The following TAFA1 variants were observed in gnomAD, a reference collection of about 807,000 sequenced individuals.
The protein encoded by TAFA1 is chemokine-like protein TAFA-1.
Under a neutral mutation model 18.5 loss-of-function variants are expected in TAFA1, and 4 were observed. The ratio of observed to expected loss-of-function variants is 0.22; its 90% CI spans 0.11 to 0.49. TAFA1 has a LOEUF of 0.49. Among genes scored for constraint, TAFA1 ranks in the 20% least tolerant of loss-of-function variants. The pLI is 0.98. For missense variants in TAFA1, 147 were observed against 169.0 expected, an observed-to-expected ratio of 0.87 and a Z score of 0.72; for synonymous variants, 56 against 55.2, an observed-to-expected ratio of 1.01 and a Z score of -0.06.
chr3:68,082,175 C>T (rs912841834), intron 2 of TAFA1, among the ~76,000 whole-genome samples: 6 of 143,458 alleles, frequency 4.2e-5, no homozygotes, highest in East Asian at 3.9e-4. Context: ...CTTCGGCTCG[C>T]GCATGGTGTG....
chr3:67,991,662 G>A, the TAFA1 span, among the ~76,000 whole-genome samples: 1 of 152,302 alleles, frequency 6.6e-6, no homozygotes, highest in African/African-American at 2.4e-5. Context: ...GGGTTCTTAG[G>A]CCTTTGGCCT....
At chr3:68,171,842 G>T (rs1175161036) in intron 2 of TAFA1, among the ~76,000 whole-genome samples, 1 of 151,980 alleles carries the variant, frequency 6.6e-6, no homozygotes, top group Non-Finnish European at 1.5e-5. Context: ...TACTGGAGGG[G>T]ACAAAAGAAG....
intron 2 of TAFA1, among the ~76,000 whole-genome samples, chr3:68,362,999 T>TTTTTTTA (rs61358791): frequency 6.7e-6 from 1 of 149,380 alleles, no homozygotes; most frequent in Non-Finnish European, 1.5e-5. Context: ...TTTTTTTTTT[T>TTTTTTTA]AAATACAGTT....
At chr3:68,130,406 C>G (rs1370225439) in intron 2 of TAFA1, among the ~76,000 whole-genome samples, 1 of 152,106 alleles carries the variant, frequency 6.6e-6, no homozygotes, top group Admixed American at 6.6e-5. Flanking sequence ...TCATTTATTT[C>G]CATTTTTGCT....
intron 2 of TAFA1, among the ~76,000 whole-genome samples, chr3:68,077,963 G>C (rs944929159): frequency 8.2e-4 from 125 of 152,196 alleles, no homozygotes; most frequent in African/African-American, 2.9e-3. Flanking sequence ...TCTTCCATTT[G>C]TTTGTATCCT....
At chr3:68,331,529 G>T (rs1389518539) in intron 2 of TAFA1, among the ~76,000 whole-genome samples, 1 of 152,084 alleles carries the variant, frequency 6.6e-6, no homozygotes, top group Admixed American at 6.6e-5. Context: ...TAAATAAGTT[G>T]GTTACTAGGA....
At chr3:68,297,752 T>C (rs2068236014) in intron 2 of TAFA1, among the ~76,000 whole-genome samples, 1 of 152,052 alleles carries the variant, frequency 6.6e-6, no homozygotes, top group African/African-American at 2.4e-5. Context: ...TTTTTTTACA[T>C]TTTTGGGGTC....
intron 3 of TAFA1, among the ~76,000 whole-genome samples, chr3:68,470,108 T>A (rs1176332607): frequency 2.0e-5 from 3 of 152,170 alleles, no homozygotes; most frequent in Non-Finnish European, 4.4e-5. Context: ...TGGTAGTGAA[T>A]AAGTCTCACA....
At chr3:68,091,486 C>A (rs892246985) in intron 2 of TAFA1, among the ~76,000 whole-genome samples, 4 of 152,084 alleles carry the variant, frequency 2.6e-5, no homozygotes, top group Non-Finnish European at 5.9e-5. Flanking sequence ...CCTCAGTCTG[C>A]CAGGTGCTTT....
intron 2 of TAFA1, among the ~76,000 whole-genome samples, chr3:68,332,598 G>A (rs546882469): frequency 8.5e-4 from 129 of 152,230 alleles, no homozygotes; most frequent in Non-Finnish European, 1.5e-3. Flanking sequence ...ATTGGGCAAA[G>A]GACCTGAATA....
At chr3:68,366,811 A>G (rs1396317887) in intron 2 of TAFA1, among the ~76,000 whole-genome samples, 1 of 152,238 alleles carries the variant, frequency 6.6e-6, no homozygotes, top group Non-Finnish European at 1.5e-5. Context: ...ATTTAACAGT[A>G]TGTGCTCAAT....
chr3:68,450,749 A>G (rs1052946606), intron 3 of TAFA1, among the ~76,000 whole-genome samples: 3 of 152,204 alleles, frequency 2.0e-5, no homozygotes, highest in African/African-American at 4.8e-5. Flanking sequence ...AGTTATAAGG[A>G]CAACACAAGA....
intron 2 of TAFA1, among the ~76,000 whole-genome samples, chr3:68,050,411 C>A (rs2064454552): frequency 6.6e-6 from 1 of 152,112 alleles, no homozygotes; most frequent in Non-Finnish European, 1.5e-5. Flanking sequence ...TAGAAGCCCT[C>A]AGGGTGTAGA....
chr3:68,226,439 C>T (rs1279802070), intron 2 of TAFA1, among the ~76,000 whole-genome samples: 2 of 152,172 alleles, frequency 1.3e-5, no homozygotes, highest in African/African-American at 4.8e-5. Flanking sequence ...AAAATATTTA[C>T]TTGCCCTCCT....
At chr3:68,102,624 T>G (rs1223639772) in intron 2 of TAFA1, among the ~76,000 whole-genome samples, 2 of 152,204 alleles carry the variant, frequency 1.3e-5, no homozygotes, top group African/African-American at 4.8e-5. Flanking sequence ...ACTATGATTA[T>G]TATAAGTTTA....
At chr3:68,070,943 A>C (rs550439441) in intron 2 of TAFA1, among the ~76,000 whole-genome samples, 1 of 152,226 alleles carries the variant, frequency 6.6e-6, no homozygotes, top group Non-Finnish European at 1.5e-5. Flanking sequence ...AAAGCCATTC[A>C]ACAAGTCTCT....
intron 2 of TAFA1, among the ~76,000 whole-genome samples, chr3:68,087,516 C>T (rs2064984595): frequency 6.7e-6 from 1 of 148,290 alleles, no homozygotes; most frequent in South Asian, 2.2e-4. Flanking sequence ...TCTTCCCTCC[C>T]TTCCTTCCTC....
intron 2 of TAFA1, among the ~76,000 whole-genome samples, chr3:68,028,460 C>A (rs1704863749): frequency 6.6e-6 from 1 of 152,104 alleles, no homozygotes; most frequent in Non-Finnish European, 1.5e-5. Flanking sequence ...TCTTCTATGA[C>A]TGCTGTAACA....
At chr3:68,273,455 T>C (rs2067716461) in intron 2 of TAFA1, among the ~76,000 whole-genome samples, 1 of 152,224 alleles carries the variant, frequency 6.6e-6, no homozygotes, top group Non-Finnish European at 1.5e-5. Context: ...TTCATCCTCA[T>C]AACCCCATAT....
Sources: gnomAD v4.1 joint callset for allele counts (sites outside exome capture counted in the v4.1 genomes callset) on GRCh38, gnomAD v4.1.1 for gene constraint, MANE v1.5 for transcripts, NCBI Gene and HGNC (gene_info 2026-07-23, HGNC 2026-07-21) for gene names.